The following TEX9 variants were observed in gnomAD, a reference collection of about 807,000 sequenced individuals.
TEX9 encodes the protein testis expressed 9.
TEX9 carries 74 observed loss-of-function variants against 59.6 expected under a neutral mutation model. The ratio of observed to expected loss-of-function variants is 1.24; its 90% CI spans 1.03 to 1.51. TEX9 has a LOEUF of 1.51. Ranked by LOEUF, TEX9 falls within the 40% of genes most tolerant of loss-of-function variation. The probability of loss-of-function intolerance (pLI) is 0.00; values close to 1 mark genes in which losing one functional copy is unlikely to be tolerated. For missense variants in TEX9, 522 were observed against 447.8 expected (o/e 1.17, Z -1.49); for synonymous variants, 186 against 152.2 (o/e 1.22, Z -1.64).
At chr15:56,343,325 AAAT>A (rs2046407375) in intron 1 of TEX9, among the ~76,000 whole-genome samples, 1 of 152,098 alleles carries the variant, frequency 6.6e-6, no homozygotes, top group Non-Finnish European at 1.5e-5. Context: ...TTTAACTTTC[AAAT>A]AAACTATAAG....
At chr15:56,436,232 A>C (rs1167407215) in intron 12 of TEX9, among the ~76,000 whole-genome samples, 2 of 152,196 alleles carry the variant, frequency 1.3e-5, no homozygotes, top group African/African-American at 4.8e-5. Flanking sequence ...CAAATGTAAA[A>C]GAACAGAAAT....
At chr15:56,389,595 A>G (rs113706211) in intron 6 of TEX9, among the ~76,000 whole-genome samples, 195 bp downstream of exon 6, 1,527 of 152,098 alleles carry the variant, frequency 0.01, 21 homozygotes, top group African/African-American at 0.035. Flanking sequence ...GCAGTTAACA[A>G]ATATTTTATA....
chr15:56,345,867 ATGTTGT>A (rs778017402), intron 1 of TEX9, among the ~76,000 whole-genome samples: 39 of 152,306 alleles, frequency 2.6e-4, no homozygotes, highest in Non-Finnish European at 3.8e-4. Flanking sequence ...GCTGGACAGC[ATGTTGT>A]TGTAGGAGCC....
rs550436928 is a variant in TEX9 at position 56,316,922 on chromosome 15, G to C, written c.-106-56519G>C. 3.2e-3 allele frequency among the ~76,000 whole-genome samples: 487 copies of C among 152,204 alleles called. 2 individuals are homozygous for C. Among genetic ancestry groups the C allele is most frequent in the Middle Eastern group, 6.8e-3 (2 of 294 alleles). ...GGAGTGACCCGATTTTCCAGGTGCCGTCCGTCACCCCTTTCTTTGACTCAG... is the reference window on the plus strand; with the variant it reads ...GGAGTGACCCGATTTTCCAGGTGCCCTCCGTCACCCCTTTCTTTGACTCAG... On this transcript the variant is annotated intron_variant, in intron 1 of 5. Coordinates refer to the TEX9 transcript ENST00000560827.
intron 1 of TEX9, among the ~76,000 whole-genome samples, chr15:56,315,879 T>G (rs2141659278): frequency 6.6e-6 from 1 of 150,918 alleles, no homozygotes; most frequent in Non-Finnish European, 1.5e-5. Context: ...TAAACTTCCC[T>G]TCTAGCTTCA....
intron 2 of TEX9, among the ~76,000 whole-genome samples, chr15:56,367,468 G>A (rs1272577847): frequency 2.0e-5 from 3 of 152,170 alleles, no homozygotes; most frequent in Non-Finnish European, 4.4e-5. Flanking sequence ...TCTGTTGGAG[G>A]AAATAATCAC....
At chr15:56,312,104 C>A (rs1388509859) in intron 1 of TEX9, among the ~76,000 whole-genome samples, 1 of 148,996 alleles carries the variant, frequency 6.7e-6, no homozygotes, top group Non-Finnish European at 1.5e-5. Context: ...TGCCTCTTCA[C>A]TCTGATGGTA....
chr15:56,245,990 G>T (rs1447879349), intron 1 of TEX9, among the ~76,000 whole-genome samples: 1 of 152,116 alleles, frequency 6.6e-6, no homozygotes, highest in Admixed American at 6.5e-5. Flanking sequence ...CCTGGGAGGG[G>T]GAGATCCTTA....
At chr15:56,303,854 G>A (rs1319065873) in intron 1 of TEX9, among the ~76,000 whole-genome samples, 1 of 152,160 alleles carries the variant, frequency 6.6e-6, no homozygotes, top group African/African-American at 2.4e-5. Context: ...GATCATTAAA[G>A]ACTATTATGA....
At chr15:56,376,720 T>C (rs1480171036) in intron 3 of TEX9, among the ~76,000 whole-genome samples, 6 of 152,176 alleles carry the variant, frequency 3.9e-5, no homozygotes, top group Admixed American at 3.9e-4. Context: ...CTTTACTTTA[T>C]TGTTTCCTTC....
At chr15:56,258,919 TA>T (rs1264659763) in intron 1 of TEX9, among the ~76,000 whole-genome samples, 2 of 149,740 alleles carry the variant, frequency 1.3e-5, no homozygotes, top group Admixed American at 6.7e-5. Context: ...TATACATATA[TA>T]AACACCTATA....
chr15:56,288,570 C>T (rs2045007632), intron 1 of TEX9, among the ~76,000 whole-genome samples: 1 of 152,106 alleles, frequency 6.6e-6, no homozygotes, highest in Non-Finnish European at 1.5e-5. Context: ...CTCACTCTCT[C>T]TTGGCCTGTA....
At chr15:56,279,058 G>A (rs1385534396) in intron 1 of TEX9, among the ~76,000 whole-genome samples, 2 of 151,914 alleles carry the variant, frequency 1.3e-5, no homozygotes, top group Non-Finnish European at 2.9e-5. Flanking sequence ...GGTTTGATAT[G>A]ACATTTTAAA....
intron 10 of TEX9, among the ~76,000 whole-genome samples, chr15:56,424,105 T>C (rs1195896456): frequency 6.6e-6 from 1 of 152,196 alleles, no homozygotes; most frequent in Non-Finnish European, 1.5e-5. Flanking sequence ...ACTTTTACTA[T>C]AGAGTAGTCT....
At chr15:56,437,415 G>A (rs2050745503) in intron 12 of TEX9, among the ~76,000 whole-genome samples, 1 of 152,026 alleles carries the variant, frequency 6.6e-6, no homozygotes, top group Non-Finnish European at 1.5e-5. Flanking sequence ...AAATTCAACA[G>A]CCCTTCTTGC....
chr15:56,455,403 A>C, the TEX9 span, among the ~76,000 whole-genome samples: 1 of 152,120 alleles, frequency 6.6e-6, no homozygotes, highest in Non-Finnish European at 1.5e-5. Context: ...ATCTGATTAG[A>C]GTTGTGGAGC....
chr15:56,325,877 C>T (rs949703786), intron 1 of TEX9, among the ~76,000 whole-genome samples: 11 of 152,178 alleles, frequency 7.2e-5, no homozygotes, highest in Admixed American at 3.3e-4. Context: ...CCCACCTCTA[C>T]GTTTTGTGAC....
intron 1 of TEX9, among the ~76,000 whole-genome samples, chr15:56,358,271 G>A (rs1225757735): frequency 6.6e-6 from 1 of 151,642 alleles, no homozygotes; most frequent in Non-Finnish European, 1.5e-5. Context: ...GAGATCTGGA[G>A]AATGAGATGT....
chr15:56,271,562 A>G (rs1490029291), intron 1 of TEX9, among the ~76,000 whole-genome samples: 1 of 151,942 alleles, frequency 6.6e-6, no homozygotes, highest in Non-Finnish European at 1.5e-5. Context: ...GCTTCCCAAA[A>G]TGCTGGCGTT....
Sources: allele counts gnomAD v4.1 joint callset (sites outside exome capture counted in the v4.1 genomes callset), GRCh38; gene constraint gnomAD v4.1.1; transcripts MANE v1.5; gene names NCBI Gene and HGNC (gene_info 2026-07-23, HGNC 2026-07-21).